Variants in MACROD2 observed in about 807,000 individuals in gnomAD.
MACROD2 encodes mono-ADP ribosylhydrolase 2, also known as ADP-ribose glycohydrolase MACROD2.
A neutral mutation model predicts 70.4 loss-of-function variants in MACROD2; 36 were observed. The ratio of observed to expected loss-of-function variants is 0.51; its 90% CI spans 0.39 to 0.68. MACROD2 has a LOEUF of 0.68. Among genes scored for constraint, MACROD2 ranks in the 30% least tolerant of loss-of-function variants. The pLI, the probability that MACROD2 is intolerant of heterozygous loss-of-function variation, is 0.00. For missense variants in MACROD2, 496 were observed against 538.4 expected, an observed-to-expected ratio of 0.92 and a Z score of 0.78; for synonymous variants, 172 against 178.8, an observed-to-expected ratio of 0.96 and a Z score of 0.30.
At chr20:15,488,998 A>G (rs2047195506) in intron 7 of MACROD2, among the ~76,000 whole-genome samples, 1 of 152,182 alleles carries the variant, frequency 6.6e-6, no homozygotes, top group Non-Finnish European at 1.5e-5. Flanking sequence ...TGGAGCTCAT[A>G]AGTTTGAGGA....
At chr20:14,255,963 A>G (rs1038100806) in intron 3 of MACROD2, among the ~76,000 whole-genome samples, 1 of 151,886 alleles carries the variant, frequency 6.6e-6, no homozygotes, top group Non-Finnish European at 1.5e-5. Context: ...CTGTGGCTTC[A>G]TATTTTCAAT....
chr20:14,947,091 C>G (rs1329343067), intron 5 of MACROD2, among the ~76,000 whole-genome samples: 2 of 152,126 alleles, frequency 1.3e-5, no homozygotes, highest in Non-Finnish European at 2.9e-5. Context: ...CCCAAATATC[C>G]CTTTGTGCTT....
rs192225872 is a variant in MACROD2 at position 14,753,049 on chromosome 20, C to G, written c.418+68090C>G. 5.1e-4 allele frequency among the ~76,000 whole-genome samples: 77 copies of G among 152,116 alleles called. 1 individual carries two copies. The highest frequency in any genetic ancestry group is 8.2e-4 in the Non-Finnish European group (56 of 68,010). The stretch of plus-strand genomic sequence containing the variant: ...GGTTGCACTCACTTGTGTTTAGCTC[C>G]CCTGCATTTCAGAGCCAGACACGTG... On this transcript the variant is annotated intron_variant, in intron 5 of 17. Coordinates refer to ENST00000684519, the MANE Select transcript of MACROD2 (RefSeq NM_001351661.2).
At chr20:15,937,800 T>A (rs2147332033) in intron 12 of MACROD2, among the ~76,000 whole-genome samples, 1 of 151,964 alleles carries the variant, frequency 6.6e-6, no homozygotes, top group East Asian at 1.9e-4. Context: ...GGAAAATAAC[T>A]GTTTATGAAA....
intron 4 of MACROD2, among the ~76,000 whole-genome samples, chr20:14,597,535 A>G (rs563924967): frequency 1.1e-4 from 16 of 152,252 alleles, no homozygotes; most frequent in Non-Finnish European, 2.1e-4. Context: ...CTGCTTTGAA[A>G]ATTAAGCTTC....
At chr20:15,997,821 T>C (rs1159683910) in intron 15 of MACROD2, among the ~76,000 whole-genome samples, 1 of 152,198 alleles carries the variant, frequency 6.6e-6, no homozygotes, top group Non-Finnish European at 1.5e-5. Context: ...ATGACAGCTG[T>C]GGGCTTGTCA....
chr20:15,462,644 T>G (rs1449292286), intron 7 of MACROD2, among the ~76,000 whole-genome samples: 2 of 152,240 alleles, frequency 1.3e-5, no homozygotes, highest in African/African-American at 4.8e-5. Context: ...TGTTGACACC[T>G]TGGTTTGTTG....
chr20:15,400,590 G>A (rs1020043672), intron 6 of MACROD2, among the ~76,000 whole-genome samples: 1 of 152,140 alleles, frequency 6.6e-6, no homozygotes, highest in African/African-American at 2.4e-5. Flanking sequence ...TGCAGGATTA[G>A]GATAAAAACA....
intron 2 of MACROD2, among the ~76,000 whole-genome samples, chr20:14,021,780 A>G (rs1729502965): frequency 6.6e-6 from 1 of 152,232 alleles, no homozygotes; most frequent in Admixed American, 6.5e-5. Context: ...GAGTGGGTAT[A>G]CATGATTAGT....
intron 2 of MACROD2, among the ~76,000 whole-genome samples, chr20:14,082,659 A>C (rs2054015035): frequency 2.0e-5 from 3 of 151,556 alleles, no homozygotes; most frequent in Non-Finnish European, 4.4e-5. Flanking sequence ...AAGAATGATT[A>C]GAAAATCTAT....
At chr20:14,101,063 T>C (rs2054297870) in intron 3 of MACROD2, among the ~76,000 whole-genome samples, 1 of 151,378 alleles carries the variant, frequency 6.6e-6, no homozygotes. Flanking sequence ...TTTGGTGATA[T>C]AATCAATTTG....
chr20:15,340,876 A>G (rs1412780201), intron 6 of MACROD2, among the ~76,000 whole-genome samples: 2 of 152,036 alleles, frequency 1.3e-5, no homozygotes, highest in South Asian at 2.1e-4. Context: ...TTTTGTAAAG[A>G]TAGGGTCTCA....
chr20:15,244,020 T>C (rs1299740895), intron 6 of MACROD2, among the ~76,000 whole-genome samples: 1 of 152,224 alleles, frequency 6.6e-6, no homozygotes, highest in Non-Finnish European at 1.5e-5. Context: ...TTTAATAAGT[T>C]ATATTAAATA....
At chr20:14,653,498 G>A (rs1015819914) in intron 4 of MACROD2, among the ~76,000 whole-genome samples, 1 of 150,842 alleles carries the variant, frequency 6.6e-6, no homozygotes, top group South Asian at 2.1e-4. Context: ...GACTGCAGGC[G>A]TGAGCCACCA....
intron 7 of MACROD2, among the ~76,000 whole-genome samples, chr20:15,478,154 G>T (rs2047047292): frequency 6.6e-6 from 1 of 152,202 alleles, no homozygotes; most frequent in Non-Finnish European, 1.5e-5. Flanking sequence ...TAGGGGGGTT[G>T]TTACAGCAGC....
At chr20:15,978,238 C>T (rs1431763203) in intron 13 of MACROD2, among the ~76,000 whole-genome samples, 3 of 152,108 alleles carry the variant, frequency 2.0e-5, no homozygotes. Context: ...CCCAGGACCA[C>T]CCCCCTCCCC....
At chr20:15,175,429 A>G (rs1015696591) in intron 5 of MACROD2, among the ~76,000 whole-genome samples, 1 of 151,998 alleles carries the variant, frequency 6.6e-6, no homozygotes, top group Non-Finnish European at 1.5e-5. Flanking sequence ...AAAGTATAAT[A>G]ATAATAAAAA....
At chr20:14,202,525 C>T (rs1445047172) in intron 3 of MACROD2, among the ~76,000 whole-genome samples, 1 of 152,136 alleles carries the variant, frequency 6.6e-6, no homozygotes, top group Non-Finnish European at 1.5e-5. Flanking sequence ...GAATGAATCT[C>T]CATAATTATG....
chr20:15,065,692 T>TG (rs1292137467), intron 5 of MACROD2, among the ~76,000 whole-genome samples: 1 of 152,144 alleles, frequency 6.6e-6, no homozygotes, highest in Non-Finnish European at 1.5e-5. Flanking sequence ...TTTACAGTTT[T>TG]ATTTTCTCTC....
Sources: gnomAD v4.1 joint callset for allele counts (sites outside exome capture counted in the v4.1 genomes callset) on GRCh38, gnomAD v4.1.1 for gene constraint, MANE v1.5 for transcripts, NCBI Gene and HGNC (gene_info 2026-07-23, HGNC 2026-07-21) for gene names.